The following STK24 variants were observed in gnomAD, a reference collection of about 807,000 sequenced individuals.
STK24 encodes serine/threonine kinase 24, also known as serine/threonine-protein kinase 24.
STK24 carries 21 observed loss-of-function variants against 55.6 expected under a neutral mutation model. The ratio of observed to expected loss-of-function variants is 0.38; its 90% CI spans 0.27 to 0.54. The LOEUF (loss-of-function observed/expected upper bound fraction) is 0.54, where lower values mean the gene tolerates loss of function less well. STK24 is among the 20% of genes least tolerant of loss of function. The pLI is 0.79. For missense variants in STK24, 383 were observed against 538.4 expected (o/e 0.71, Z 2.86); for synonymous variants, 200 against 215.2 (o/e 0.93, Z 0.62).
intron 2 of STK24, among the ~76,000 whole-genome samples, chr13:98,493,504 C>G (rs1274059728): frequency 1.3e-5 from 2 of 152,012 alleles, no homozygotes; most frequent in Non-Finnish European, 2.9e-5. Context: ...TTCTTTCCTC[C>G]CCATCCATCT....
intron 2 of STK24, among the ~76,000 whole-genome samples, chr13:98,505,249 T>C (rs1398719789): frequency 1.3e-5 from 2 of 152,176 alleles, no homozygotes; most frequent in African/African-American, 2.4e-5. Flanking sequence ...GCAAACATAA[T>C]AGCAATTCAT....
At chr13:98,541,799 A>C (rs2139420821) in intron 1 of STK24, among the ~76,000 whole-genome samples, 2 of 152,326 alleles carry the variant, frequency 1.3e-5, no homozygotes, top group Middle Eastern at 6.8e-3. Flanking sequence ...AGTGTATTTT[A>C]TCTGCACATC....
At chr13:98,530,733 C>T (rs1277665275) in intron 1 of STK24, among the ~76,000 whole-genome samples, 1 of 152,220 alleles carries the variant, frequency 6.6e-6, no homozygotes, top group Non-Finnish European at 1.5e-5. Flanking sequence ...AATGAGCTCA[C>T]AGGTCTGTTC....
chr13:98,467,461 C>T (rs796686721), intron 5 of STK24, among the ~76,000 whole-genome samples: 11 of 152,284 alleles, frequency 7.2e-5, no homozygotes, highest in African/African-American at 1.2e-4. Flanking sequence ...CCAAAGTCCA[C>T]GGGGTACAAC....
chr13:98,566,182 A>C (rs1897565511), intron 1 of STK24, among the ~76,000 whole-genome samples: 2 of 152,246 alleles, frequency 1.3e-5, no homozygotes, highest in African/African-American at 4.8e-5. Flanking sequence ...AATGAAATGG[A>C]GATTTTTCTT....
In STK24 at chr13:98,445,840, G is replaced by A. The variant is rs541510710; in HGVS notation, c.*7333C>T. Reference sequence around the variant, plus strand: ...AATAAGCCTGTGTTCTAAGGTACTGGTAGTCAGGACCTCAACGTGTCTTTT... The same window carrying A: ...AATAAGCCTGTGTTCTAAGGTACTGATAGTCAGGACCTCAACGTGTCTTTT... On this transcript the variant is annotated 3_prime_UTR_variant, in exon 11 of 11. Coordinates refer to ENST00000539966, the MANE Select transcript of STK24 (RefSeq NM_001032296.4). 5.0e-6 allele frequency: 2 copies of A among 403,956 alleles called. No individual in the cohort carries two copies. Among genetic ancestry groups the A allele is most frequent in the Middle Eastern group, 6.6e-4 (1 of 1,524 alleles). The allele number at this position is 403,956 out of a possible 1,614,324, so 25.0% of individuals were successfully genotyped here.
At chr13:98,509,690 G>A (rs146308891) in intron 2 of STK24, among the ~76,000 whole-genome samples, 68 of 152,296 alleles carry the variant, frequency 4.5e-4, no homozygotes, top group African/African-American at 1.5e-3. Context: ...GCCAAGATAA[G>A]AACTTAGAGG....
rs1175721832 is a variant in STK24 at position 98,449,007 on chromosome 13, T to TTTC, written c.*4163_*4165dup. On this transcript the variant is annotated 3_prime_UTR_variant, in exon 11 of 11. Transcript: ENST00000539966. Reference sequence around the variant, plus strand: ...CTCTTTCCAACCGTAGCAGGGTTGTTTTCTGTTAAGCAAAGCCGAGATCCA... The same window carrying TTTC: ...CTCTTTCCAACCGTAGCAGGGTTGTTTTCTTCTGTTAAGCAAAGCCGAGATCCA... The TTTC allele has an allele frequency of 6.6e-6, 1 of 152,240 alleles. No homozygotes were observed. The highest frequency in any genetic ancestry group is 1.5e-5 in the Non-Finnish European group (1 of 68,064). 9.4% of individuals were successfully genotyped at this position (152,240 alleles called of 1,614,324 possible). A position where few individuals can be genotyped will look rare whatever the true frequency, so the allele number is the denominator to read the frequency against.
chr13:98,544,890 A>G (rs1256821488), intron 1 of STK24, among the ~76,000 whole-genome samples: 1 of 152,236 alleles, frequency 6.6e-6, no homozygotes, highest in East Asian at 1.9e-4. Context: ...CATTAAAAGC[A>G]GCAAAAAGTA....
At chr13:98,477,548 G>C (rs1299473123) in intron 3 of STK24, among the ~76,000 whole-genome samples, 1 of 152,052 alleles carries the variant, frequency 6.6e-6, no homozygotes, top group Non-Finnish European at 1.5e-5. Flanking sequence ...GATGGCACAT[G>C]CTTGTAATCC....
intron 1 of STK24, among the ~76,000 whole-genome samples, chr13:98,536,950 T>G (rs1896753759): frequency 6.6e-6 from 1 of 150,934 alleles, no homozygotes; most frequent in Non-Finnish European, 1.5e-5. Flanking sequence ...CAGGCCCTTG[T>G]GTGCCCCCGA....
rs1555298648 is a variant in STK24, at chr13:98,447,947, T to TCTCCCCAGCAACCA, written c.*5212_*5225dup. The TCTCCCCAGCAACCA allele has an allele frequency of 3.0e-4, 140 of 460,390 alleles. No homozygotes were observed. The highest frequency in any genetic ancestry group is 2.4e-3 in the African/African-American group (120 of 50,068). The allele number at this position is 460,390 out of a possible 1,614,324, so 28.5% of individuals were successfully genotyped here. On this transcript the variant is annotated 3_prime_UTR_variant, in exon 11 of 11. Coordinates refer to ENST00000539966, the MANE Select transcript of STK24 (RefSeq NM_001032296.4). ...TGTCCATGAAAATAGGAGGTAGCGT[T>TCTCCCCAGCAACCA]CTCCCCAGCAACCAGAGGCCACCTC... is the stretch of plus-strand genomic sequence containing the variant.
chr13:98,548,660 G>A (rs1018974932), intron 1 of STK24, among the ~76,000 whole-genome samples: 10 of 151,990 alleles, frequency 6.6e-5, no homozygotes, highest in South Asian at 2.1e-4. Context: ...TCAGGAGTTC[G>A]AGACCACCCT....
Position 98,446,941 on chromosome 13 carries a change from C to G in STK24, c.*6232G>C. The G allele has an allele frequency of 9.5e-7, 1 of 1,057,402 alleles. No homozygotes were observed. The highest frequency in any genetic ancestry group is 1.6e-5 in the African/African-American group (1 of 63,478). 65.5% of individuals were successfully genotyped at this position (1,057,402 alleles called of 1,614,324 possible). A position where few individuals can be genotyped will look rare whatever the true frequency, so the allele number is the denominator to read the frequency against. Reference sequence around the variant, plus strand: ...CTTCCCTGCCAACTAAGCGTTTAGACCTGGGGTCCCACTGCCCGACACCAG... The same window carrying G: ...CTTCCCTGCCAACTAAGCGTTTAGAGCTGGGGTCCCACTGCCCGACACCAG... On this transcript the variant is annotated 3_prime_UTR_variant, in exon 11 of 11. Transcript: ENST00000539966.
Position 98,452,550 on chromosome 13 carries a change from C to A in STK24, c.*623G>T, listed in dbSNP as rs1893250390. The stretch of plus-strand genomic sequence containing the variant: ...TTATTAATGACAAACCCTGCAAATA[C>A]AAAATAAAACCCAAATCACTGGTCA... On this transcript the variant is annotated 3_prime_UTR_variant, in exon 11 of 11. Coordinates refer to ENST00000539966, the MANE Select transcript of STK24 (RefSeq NM_001032296.4). 1 of 152,520 alleles carries A rather than the reference C, an allele frequency of 6.6e-6. No homozygotes were observed. Among genetic ancestry groups the A allele is most frequent in the Admixed American group, 6.6e-5 (1 of 15,262 alleles). The allele number at this position is 152,520 out of a possible 1,614,324, so 9.4% of individuals were successfully genotyped here. A position where few individuals can be genotyped will look rare whatever the true frequency, so the allele number is the denominator to read the frequency against.
At chr13:98,531,302 T>C (rs948434836) in intron 1 of STK24, among the ~76,000 whole-genome samples, 2 of 152,206 alleles carry the variant, frequency 1.3e-5, no homozygotes, top group Non-Finnish European at 2.9e-5. Context: ...TGCAGGGATA[T>C]GTACAGAAAA....
intron 1 of STK24, among the ~76,000 whole-genome samples, chr13:98,531,997 A>C (rs1425756976): frequency 2.6e-5 from 4 of 152,268 alleles, no homozygotes; most frequent in African/African-American, 9.6e-5. Flanking sequence ...TAGCTCCCTA[A>C]ACAGCTCGAT....
chr13:98,521,664 GAGC>G lies in STK24; in HGVS notation c.43-2194_43-2192del, dbSNP rs1423691949. On this transcript the variant is annotated intron_variant, in intron 1 of 10. Coordinates refer to ENST00000539966, the MANE Select transcript of STK24 (RefSeq NM_001032296.4). The stretch of plus-strand genomic sequence containing the variant: ...CTCCTCTAACACAAGCTGCTAGGAT[GAGC>G]AGCTTTCGGGGATGCGGGGGAAGCA... 2.1e-5 allele frequency: 14 copies of G among 673,708 alleles called. No homozygotes were observed. The Admixed American group carries it at 2.9e-4, about 14-fold the overall frequency. The allele number at this position is 673,708 out of a possible 1,614,324, so 41.7% of individuals were successfully genotyped here. A position where few individuals can be genotyped will look rare whatever the true frequency, so the allele number is the denominator to read the frequency against.
chr13:98,544,468 G>A (rs1208491170), intron 1 of STK24, among the ~76,000 whole-genome samples: 2 of 152,346 alleles, frequency 1.3e-5, no homozygotes, highest in African/African-American at 2.4e-5. Context: ...TGGGAGTGGC[G>A]CAGCCCCCCT....
Sources: gnomAD v4.1 joint callset for allele counts (sites outside exome capture counted in the v4.1 genomes callset) on GRCh38, gnomAD v4.1.1 for gene constraint, MANE v1.5 for transcripts, NCBI Gene and HGNC (gene_info 2026-07-23, HGNC 2026-07-21) for gene names.